TRIO: variants seen among roughly 807,000 people sequenced by gnomAD.
The protein encoded by TRIO is triple functional domain protein.
TRIO carries 58 observed loss-of-function variants against 351.9 expected under a neutral mutation model. That is an observed-to-expected ratio of 0.16 (90% CI 0.13 to 0.21). The LOEUF is 0.21. Ranked by LOEUF, TRIO falls within the 10% of genes least tolerant of loss-of-function variation. TRIO has a pLI of 1.00. For missense variants in TRIO, 3,201 were observed against 4,027.8 expected, an observed-to-expected ratio of 0.79 and a Z score of 5.56; for synonymous variants, 1,758 against 1,595.7, an observed-to-expected ratio of 1.10 and a Z score of -2.42.
intron 1 of TRIO, among the ~76,000 whole-genome samples, chr5:14,180,734 G>A (rs889042243): frequency 1.3e-5 from 2 of 152,140 alleles, no homozygotes; most frequent in African/African-American, 4.8e-5. Flanking sequence ...GGAGGCTGAG[G>A]CAGGAGGATC....
At chr5:14,151,182 A>G (rs1003684493) in intron 1 of TRIO, among the ~76,000 whole-genome samples, 1 of 152,248 alleles carries the variant, frequency 6.6e-6, no homozygotes. Flanking sequence ...ATTCTTGTAT[A>G]TAATTGACAG....
intron 1 of TRIO, among the ~76,000 whole-genome samples, chr5:14,233,515 A>G (rs73057562): frequency 0.039 from 5,919 of 151,504 alleles, 401 homozygotes; most frequent in African/African-American, 0.14. Context: ...GAATCATGTA[A>G]CTGTCCTCCC....
chr5:14,329,230 T>C (rs1250250725), intron 9 of TRIO, among the ~76,000 whole-genome samples: 1 of 152,248 alleles, frequency 6.6e-6, no homozygotes, highest in Admixed American at 6.5e-5. Flanking sequence ...CCTAGACCAC[T>C]GTCTTTGCTG....
At chr5:14,507,343 G>A (rs1204296809) in intron 56 of TRIO, 83 bp downstream of exon 56, 1 of 1,564,854 alleles carries the variant, frequency 6.4e-7, no homozygotes, top group African/African-American at 1.4e-5. Context: ...TCTGAAGCCA[G>A]GCCAGGAGCC....
At chr5:14,426,240 GCA>G (rs1750630758) in intron 34 of TRIO, among the ~76,000 whole-genome samples, 1 of 151,672 alleles carries the variant, frequency 6.6e-6, no homozygotes, top group African/African-American at 2.4e-5. Context: ...ACACACATGT[GCA>G]CACACACGCA....
chr5:14,467,450 C>G (rs1352248339), intron 37 of TRIO, among the ~76,000 whole-genome samples: 1 of 152,152 alleles, frequency 6.6e-6, no homozygotes, highest in Non-Finnish European at 1.5e-5. Flanking sequence ...CGGAGAAGAC[C>G]CAGTGAACTT....
intron 1 of TRIO, among the ~76,000 whole-genome samples, chr5:14,170,286 T>G (rs1457704916): frequency 4.6e-5 from 7 of 152,186 alleles, no homozygotes; most frequent in Middle Eastern, 3.2e-3. Context: ...AATTAAAAAA[T>G]TCAATGGAGA....
At chr5:14,445,704 A>G (rs924089470) in intron 34 of TRIO, among the ~76,000 whole-genome samples, 1 of 152,212 alleles carries the variant, frequency 6.6e-6, no homozygotes, top group Non-Finnish European at 1.5e-5. Context: ...GACAAAATAT[A>G]TTAGCCCTAA....
intron 1 of TRIO, among the ~76,000 whole-genome samples, chr5:14,261,713 G>T (rs1795354911): frequency 6.6e-6 from 1 of 152,198 alleles, no homozygotes; most frequent in African/African-American, 2.4e-5. Flanking sequence ...TGGAGGTGCT[G>T]GAACGACAAG....
At position 14,359,374 on chromosome 5, in the gene TRIO, G is replaced by A; in HGVS notation, c.2234G>A (p.Ser745Asn). 1.2e-6 allele frequency: 2 copies of A among 1,613,566 alleles called. No homozygotes were observed. Among genetic ancestry groups the A allele is most frequent in the Non-Finnish European group, 1.7e-6 (2 of 1,179,468 alleles). The change falls in exon 13 of 57, where the codon AGT becomes AAT. Residue 745 changes from serine to asparagine, a missense_variant. This residue lies in a region of TRIO where 363 missense variants were observed against 553.5 expected (regional missense o/e 0.66). Transcript: ENST00000344204. ...TCTCGCAGGGACTCTGCCATCTCCA[G>A]TAACAAGACCCCCCACAACAGCTCC... ...IQQLRDSAISSNKTPHNSSIN... is the reference protein window; with the variant it reads ...IQQLRDSAISNNKTPHNSSIN...
At chr5:14,299,963 G>C (rs767677825) in intron 7 of TRIO, among the ~76,000 whole-genome samples, 4 of 152,238 alleles carry the variant, frequency 2.6e-5, no homozygotes, top group Admixed American at 6.5e-5. Flanking sequence ...ACATAACTCT[G>C]AAGTTAAAGC....
intron 8 of TRIO, among the ~76,000 whole-genome samples, chr5:14,307,360 A>C (rs1359730091): frequency 6.6e-6 from 1 of 152,174 alleles, no homozygotes; most frequent in Non-Finnish European, 1.5e-5. Flanking sequence ...CGCTACATTT[A>C]ATTGCCATGT....
intron 9 of TRIO, among the ~76,000 whole-genome samples, chr5:14,318,139 A>C (rs1361500634): frequency 6.7e-6 from 1 of 149,298 alleles, no homozygotes; most frequent in African/African-American, 2.5e-5. Flanking sequence ...AAGAAAAAAA[A>C]AAAAATTAGC....
rs1323712509 is a variant in TRIO at position 14,297,255 on chromosome 5, G to A, written c.1360G>A (p.Ala454Thr). The stretch of plus-strand genomic sequence containing the variant: ...CATGTCCTCCATTTTCCACCAGAAG[G>A]CCGAAAAGGTCAGTGCCTTGAACCC... The part of the protein sequence containing the change: ...LDMSSIFHQK[A>T]EKYMSNVDSW... The change falls in exon 7 of 57, where the codon GCC becomes ACC. Residue 454 changes from alanine (A) to threonine (T), a missense_variant. Transcript: ENST00000344204. The A allele has an allele frequency of 1.2e-6, 2 of 1,613,692 alleles. No homozygotes were observed. The highest frequency in any genetic ancestry group is 1.7e-6 in the Non-Finnish European group (2 of 1,179,770).
In TRIO at chr5:14,508,869, G is replaced by A. The variant is rs1418996317; in HGVS notation, c.*447G>A. On this transcript the variant is annotated 3_prime_UTR_variant, in exon 57 of 57. Transcript: ENST00000344204. Reference sequence around the variant, plus strand: ...CCCATGGCCTTGTCTAGGACTCAGAGACCACTCGGCTCTGAGCTTCCAGGC... The same window carrying A: ...CCCATGGCCTTGTCTAGGACTCAGAAACCACTCGGCTCTGAGCTTCCAGGC... 1 of 167,530 alleles carries A rather than the reference G, an allele frequency of 6.0e-6. No homozygotes were observed. Among genetic ancestry groups the A allele is most frequent in the Non-Finnish European group, 1.3e-5 (1 of 77,458 alleles). The allele number at this position is 167,530 out of a possible 1,614,324, so 10.4% of individuals were successfully genotyped here.
intron 1 of TRIO, among the ~76,000 whole-genome samples, chr5:14,185,925 G>T (rs530680894): frequency 8.5e-4 from 129 of 152,246 alleles, no homozygotes; most frequent in African/African-American, 3.0e-3. Context: ...GAGTACCTCC[G>T]CCAGTGAAGA....
intron 1 of TRIO, among the ~76,000 whole-genome samples, chr5:14,186,870 G>A (rs1052045965): frequency 6.6e-6 from 1 of 152,152 alleles, no homozygotes; most frequent in African/African-American, 2.4e-5. Flanking sequence ...GAGCCACCAC[G>A]CCTGGCTAGT....
At chr5:14,192,774 C>T (rs188391716) in intron 1 of TRIO, among the ~76,000 whole-genome samples, 9 of 152,284 alleles carry the variant, frequency 5.9e-5, no homozygotes, top group East Asian at 3.9e-4. Context: ...ATAGACATTA[C>T]GTAGCCTCAG....
chr5:14,254,364 G>T (rs543983448), intron 1 of TRIO, among the ~76,000 whole-genome samples: 2 of 152,158 alleles, frequency 1.3e-5, no homozygotes, highest in African/African-American at 4.8e-5. Flanking sequence ...TAGAGACGGG[G>T]TTTCACCATG....
Sources: gnomAD v4.1 joint callset for allele counts (sites outside exome capture counted in the v4.1 genomes callset) on GRCh38, gnomAD v4.1.1 for gene constraint, gnomAD v4.1.1 regional missense constraint, MANE v1.5 for transcripts, NCBI Gene and HGNC (gene_info 2026-07-23, HGNC 2026-07-21) for gene names.